The following ACKR3 variants were observed in gnomAD, a reference collection of about 807,000 sequenced individuals.
ACKR3 encodes atypical chemokine receptor 3.
Under a neutral mutation model 22.4 loss-of-function variants are expected in ACKR3, and 6 were observed. That is an observed-to-expected ratio of 0.27 (90% CI 0.15 to 0.53). ACKR3 has a LOEUF of 0.53. Ranked by LOEUF, ACKR3 falls within the 20% of genes least tolerant of loss-of-function variation. The pLI, the probability that ACKR3 is intolerant of heterozygous loss-of-function variation, is 0.96. For missense variants in ACKR3, 396 were observed against 475.2 expected, an observed-to-expected ratio of 0.83 and a Z score of 1.55; for synonymous variants, 209 against 205.2, an observed-to-expected ratio of 1.02 and a Z score of -0.16.
the ACKR3 span, among the ~76,000 whole-genome samples, chr2:236,543,961 ATATATATAT>A: frequency 1.8e-5 from 1 of 54,260 alleles, no homozygotes; most frequent in East Asian, 6.7e-4. Flanking sequence ...ATATATATAT[ATATATATAT>A]ATATATATAT....
the ACKR3 span, among the ~76,000 whole-genome samples, chr2:236,539,057 T>C: frequency 6.6e-6 from 1 of 152,172 alleles, no homozygotes; most frequent in East Asian, 1.9e-4. Flanking sequence ...TTTTACTTGG[T>C]ATATTATTTT....
At chr2:236,544,523 G>A in the ACKR3 span, among the ~76,000 whole-genome samples, 506 of 152,330 alleles carry the variant, frequency 3.3e-3, 5 homozygotes, top group African/African-American at 0.011. The surrounding 1 kb of genome is among the most constrained non-coding windows in gnomAD (Gnocchi z 5.0). Flanking sequence ...GCTGCTGTGC[G>A]AGCACAGGCC....
Position 236,581,425 on chromosome 2 carries a change from C to A in ACKR3, c.960C>A (p.Arg320=), listed in dbSNP as rs1691534024. 1 of 1,614,164 alleles carries A rather than the reference C, an allele frequency of 6.2e-7. No individual in the cohort carries two copies. The highest frequency in any genetic ancestry group is 2.2e-5 in the East Asian group (1 of 44,876). The part of the protein sequence containing the change: ...VNPVLYSFIN[R]NYRYELMKAF... Reference sequence around the variant, plus strand: ...CTGTCCTCTACAGCTTCATCAATCGCAACTACAGGTACGAGCTGATGAAGG... The same window carrying A: ...CTGTCCTCTACAGCTTCATCAATCGAAACTACAGGTACGAGCTGATGAAGG... The change falls in exon 2 of 2, where the codon CGC becomes CGA. Residue 320 remains arginine, a synonymous_variant. Coordinates refer to ENST00000272928, the MANE Select transcript of ACKR3 (RefSeq NM_020311.3). The surrounding 1 kb of genome is among the most constrained non-coding windows in gnomAD (Gnocchi z 4.4).
the ACKR3 span, among the ~76,000 whole-genome samples, chr2:236,558,673 C>T: frequency 6.6e-6 from 1 of 152,130 alleles, no homozygotes; most frequent in Non-Finnish European, 1.5e-5. Flanking sequence ...AACCTTCTCT[C>T]AAATGGTTCA....
rs371364738 is a variant in ACKR3 at position 236,581,423 on chromosome 2, C to A, written c.958C>A (p.Arg320Ser). The change falls in exon 2 of 2, where the codon CGC becomes AGC. Residue 320 changes from arginine to serine, a missense_variant. Transcript: ENST00000272928. This position sits in a 1 kb window ranked among gnomAD's most constrained non-coding sequence, Gnocchi z 4.4. ...VNPVLYSFIN[R>S]NYRYELMKAF... ...CCCTGTCCTCTACAGCTTCATCAAT[C>A]GCAACTACAGGTACGAGCTGATGAA... 1 of 1,614,136 alleles carries A rather than the reference C, an allele frequency of 6.2e-7. No homozygotes were observed. Among genetic ancestry groups the A allele is most frequent in the East Asian group, 2.2e-5 (1 of 44,884 alleles).
At chr2:236,540,924 C>T in the ACKR3 span, among the ~76,000 whole-genome samples, 2 of 152,182 alleles carry the variant, frequency 1.3e-5, no homozygotes, top group Non-Finnish European at 1.5e-5. Context: ...CACTTGTACC[C>T]AAATACCTGT....
At chr2:236,568,945 C>G (rs1183800498), upstream of ACKR3, among the ~76,000 whole-genome samples, 4 of 152,142 alleles carry the variant, frequency 2.6e-5, no homozygotes, top group African/African-American at 9.7e-5. Flanking sequence ...GGCGGGTGGC[C>G]TTTGGGTCCC....
chr2:236,559,531 T>C, the ACKR3 span, among the ~76,000 whole-genome samples: 1 of 152,260 alleles, frequency 6.6e-6, no homozygotes, highest in South Asian at 2.1e-4. Context: ...ATATGTGCTT[T>C]GCTTTGAGTG....
intron 1 of ACKR3, among the ~76,000 whole-genome samples, chr2:236,578,705 G>A (rs545857798): frequency 2.6e-5 from 4 of 152,330 alleles, no homozygotes; most frequent in African/African-American, 7.2e-5. Context: ...AGCCGAGGCC[G>A]CGAAATTTCT....
chr2:236,566,084 G>A (rs1030743904), upstream of ACKR3, among the ~76,000 whole-genome samples: 2 of 152,170 alleles, frequency 1.3e-5, no homozygotes, highest in African/African-American at 4.8e-5. Flanking sequence ...CCTACCGGCC[G>A]CCGCTCTGGC....
At chr2:236,579,924 A>C (rs1419008621) in intron 1 of ACKR3, among the ~76,000 whole-genome samples, 2 of 152,218 alleles carry the variant, frequency 1.3e-5, no homozygotes, top group Non-Finnish European at 2.9e-5. Context: ...TATAAATGCA[A>C]ATTTGGAGGA....
the ACKR3 span, among the ~76,000 whole-genome samples, chr2:236,551,350 G>T: frequency 2.0e-5 from 3 of 152,214 alleles, no homozygotes; most frequent in African/African-American, 7.2e-5. Context: ...GGAGCTGGAG[G>T]TGGCTGCCCC....
At chr2:236,546,995 C>G in the ACKR3 span, among the ~76,000 whole-genome samples, 1 of 152,218 alleles carries the variant, frequency 6.6e-6, no homozygotes, top group Non-Finnish European at 1.5e-5. This position sits in a 1 kb window ranked among gnomAD's most constrained non-coding sequence, Gnocchi z 4.9. Context: ...AACAGTACAT[C>G]CTCTCTTGTC....
At chr2:236,541,433 C>A in the ACKR3 span, among the ~76,000 whole-genome samples, 145 of 152,336 alleles carry the variant, frequency 9.5e-4, 2 homozygotes, top group African/African-American at 3.3e-3. Context: ...TGGGATTCCA[C>A]CTCTTTCTCT....
chr2:236,538,584 C>A, the ACKR3 span, among the ~76,000 whole-genome samples: 1 of 152,160 alleles, frequency 6.6e-6, no homozygotes, highest in Non-Finnish European at 1.5e-5. Context: ...CGGGGCAGAG[C>A]TTGCTTTCTG....
the ACKR3 span, among the ~76,000 whole-genome samples, chr2:236,554,770 A>G: frequency 6.6e-5 from 10 of 152,208 alleles, no homozygotes; most frequent in Non-Finnish European, 1.2e-4. Flanking sequence ...CAAACTAGGA[A>G]ACAAAACCCT....
upstream of ACKR3, among the ~76,000 whole-genome samples, chr2:236,563,463 T>C (rs576525519): frequency 6.6e-6 from 1 of 152,014 alleles, no homozygotes; most frequent in East Asian, 1.9e-4. Flanking sequence ...AAGAAGAGAG[T>C]AACTAGGATG....
In ACKR3 at chr2:236,581,325, G is replaced by C; in HGVS notation, c.860G>C (p.Cys287Ser). 2.5e-6 allele frequency: 4 copies of C among 1,613,878 alleles called. No homozygotes were observed. The highest frequency in any genetic ancestry group is 2.5e-6 in the Non-Finnish European group (3 of 1,179,870). The change falls in exon 2 of 2, where the codon TGC (cysteine) becomes TCC (serine). Residue 287 changes from cysteine to serine, a missense_variant. By Grantham distance (112) the Cys-to-Ser change is moderately radical. Coordinates refer to ENST00000272928, the MANE Select transcript of ACKR3 (RefSeq NM_020311.3). This position sits in a 1 kb window ranked among gnomAD's most constrained non-coding sequence, Gnocchi z 4.4. ...FSILHYIPFT[C>S]RLEHALFTAL... The stretch of plus-strand genomic sequence containing the variant: ...ATCCTGCACTACATCCCTTTCACCT[G>C]CCGGCTGGAGCACGCCCTCTTCACG...
chr2:236,566,259 T>G (rs1691178400), upstream of ACKR3, among the ~76,000 whole-genome samples: 3 of 152,260 alleles, frequency 2.0e-5, no homozygotes, highest in South Asian at 6.2e-4. Flanking sequence ...AGGGAGGAGC[T>G]TAGCTGAAAC....
Sources: gnomAD v4.1 joint callset for allele counts (sites outside exome capture counted in the v4.1 genomes callset) on GRCh38, gnomAD v4.1.1 for gene constraint, Gnocchi (gnomAD v3.1) non-coding constraint, MANE v1.5 for transcripts, NCBI Gene and HGNC (gene_info 2026-07-23, HGNC 2026-07-21) for gene names.